MEIS2: variants seen among roughly 807,000 people sequenced by gnomAD.
MEIS2 encodes the protein homeobox protein Meis2.
Under a neutral mutation model 58.6 loss-of-function variants are expected in MEIS2, and 9 were observed. The ratio of observed to expected loss-of-function variants is 0.15; its 90% CI spans 0.09 to 0.27. The LOEUF is 0.27. MEIS2 is among the 10% of genes least tolerant of loss of function. The pLI is 1.00. For synonymous variants in MEIS2, 221 were observed against 228.4 expected (o/e 0.97, Z 0.29); for missense variants, 427 against 635.0 (o/e 0.67, Z 3.52).
chr15:36,973,296 C>T (rs2059628850), intron 8 of MEIS2, among the ~76,000 whole-genome samples: 1 of 152,176 alleles, frequency 6.6e-6, no homozygotes, highest in Admixed American at 6.5e-5. Context: ...CACAAAAGGG[C>T]TCTTCAAAGG....
intron 6 of MEIS2, among the ~76,000 whole-genome samples, chr15:37,085,685 T>A (rs1395040447): frequency 6.6e-6 from 1 of 152,066 alleles, no homozygotes; most frequent in African/African-American, 2.4e-5. Context: ...CAGGTATAGA[T>A]CTCTAAAATA....
intron 9 of MEIS2, among the ~76,000 whole-genome samples, chr15:36,907,930 A>G (rs1328324637): frequency 1.2e-3 from 2 of 1,604 alleles, no homozygotes; most frequent in East Asian, 0.25. Context: ...GCCAATGGGG[A>G]AAAAAAAATC....
At chr15:37,020,555 G>C (rs1034235335) in intron 8 of MEIS2, among the ~76,000 whole-genome samples, 4 of 152,070 alleles carry the variant, frequency 2.6e-5, no homozygotes, top group African/African-American at 9.7e-5. Context: ...GGAAACATTT[G>C]AGGGATCTTT....
intron 8 of MEIS2, among the ~76,000 whole-genome samples, chr15:37,022,316 C>G (rs1489163095): frequency 6.6e-6 from 1 of 152,146 alleles, no homozygotes. Flanking sequence ...ATAAAAATCT[C>G]TTGTTGTTGA....
intron 6 of MEIS2, among the ~76,000 whole-genome samples, chr15:37,090,063 T>C (rs1441247594): frequency 3.9e-5 from 6 of 152,164 alleles, no homozygotes; most frequent in Non-Finnish European, 7.4e-5. Flanking sequence ...GAAACTAACA[T>C]GAACTGCAGC....
Position 36,894,906 on chromosome 15 carries a change from T to A in MEIS2, c.1147+245A>T. On this transcript the variant is annotated intron_variant, in intron 11 of 11. Coordinates refer to ENST00000561208, the MANE Select transcript of MEIS2 (RefSeq NM_170675.5). ...GAAACTCAGATTCCTTTTCACTTATTGCCTTGGTTTAAAAAGAAAAAAGAA... is the reference window on the plus strand; with the variant it reads ...GAAACTCAGATTCCTTTTCACTTATAGCCTTGGTTTAAAAAGAAAAAAGAA... The A allele has an allele frequency of 2.7e-6, 3 of 1,127,190 alleles. No individual in the cohort carries two copies. In the South Asian group the frequency reaches 3.7e-5, roughly 14 times the overall value. 69.8% of individuals were successfully genotyped at this position (1,127,190 alleles called of 1,614,324 possible).
intron 7 of MEIS2, among the ~76,000 whole-genome samples, chr15:37,067,539 C>G (rs2141861212): frequency 6.6e-6 from 1 of 151,426 alleles, no homozygotes; most frequent in South Asian, 2.1e-4. Flanking sequence ...CATTCAGACT[C>G]TGGTCTGCTG....
intron 7 of MEIS2, among the ~76,000 whole-genome samples, chr15:37,057,424 C>T (rs749496593): frequency 5.3e-5 from 8 of 152,208 alleles, no homozygotes; most frequent in Non-Finnish European, 1.2e-4. Context: ...TACTTGCTGA[C>T]TTGCTTTTCA....
At chr15:37,057,366 A>C (rs1596032748) in intron 7 of MEIS2, among the ~76,000 whole-genome samples, 1 of 152,172 alleles carries the variant, frequency 6.6e-6, no homozygotes, top group Non-Finnish European at 1.5e-5. Flanking sequence ...CTCATAAATT[A>C]GTCAGGCCAT....
chr15:36,971,128 A>T (rs1595840279), intron 8 of MEIS2, among the ~76,000 whole-genome samples: 1 of 151,972 alleles, frequency 6.6e-6, no homozygotes, highest in Non-Finnish European at 1.5e-5. Flanking sequence ...TGTAAAGTCG[A>T]TTTACCTGCC....
chr15:37,075,251 A>G (rs1038915573), intron 7 of MEIS2, among the ~76,000 whole-genome samples: 31 of 152,054 alleles, frequency 2.0e-4, no homozygotes, highest in Non-Finnish European at 7.4e-5. Context: ...AATTCTGACC[A>G]TATGCACATA....
intron 7 of MEIS2, among the ~76,000 whole-genome samples, chr15:37,074,951 C>T (rs566380660): frequency 6.6e-6 from 1 of 152,056 alleles, no homozygotes; most frequent in Admixed American, 6.6e-5. Context: ...TATATTTGCC[C>T]AAATGCAAAC....
In MEIS2 at chr15:37,096,227, C is replaced by T. The variant is rs562063246; in HGVS notation, c.387+62G>A. The T allele has an allele frequency of 3.6e-5, 53 of 1,484,628 alleles. 1 individual carries two copies. The South Asian group carries it at 7.1e-4, about 20-fold the overall frequency. The allele number at this position is 1,484,628 out of a possible 1,614,324, so 92.0% of individuals were successfully genotyped here. On this transcript the variant is annotated intron_variant, in intron 3 of 11. Transcript: ENST00000561208. ...GCCTTTCCTCCTTTCAAGTAAAGCT[C>T]CGAGGAAAGGGGAGGGGTAGTGAGG... is the stretch of plus-strand genomic sequence containing the variant.
chr15:36,898,984 T>C lies in MEIS2; in HGVS notation c.978-2298A>G, dbSNP rs193121287. Among the ~76,000 whole-genome samples the C allele has an allele frequency of 3.3e-3, 499 of 152,350 alleles. 5 individuals are homozygous for C. The highest frequency in any genetic ancestry group is 0.03 in the Admixed American group (461 of 15,306). On this transcript the variant is annotated intron_variant, in intron 9 of 11. Transcript: ENST00000561208. ...CTAGCAGTTATGGCAATGGCCTTTCTTTACCCACTTCTCCTAAGCAAATAT... is the reference window on the plus strand; with the variant it reads ...CTAGCAGTTATGGCAATGGCCTTTCCTTACCCACTTCTCCTAAGCAAATAT...
chr15:36,971,447 A>G (rs1418853404), intron 8 of MEIS2, among the ~76,000 whole-genome samples: 13 of 149,702 alleles, frequency 8.7e-5, no homozygotes, highest in Admixed American at 6.7e-5. Flanking sequence ...TGAAAGCTGG[A>G]AGCTAAATTT....
chr15:36,982,798 C>T (rs914638177), intron 8 of MEIS2, among the ~76,000 whole-genome samples: 1 of 152,176 alleles, frequency 6.6e-6, no homozygotes, highest in Admixed American at 6.5e-5. Flanking sequence ...CTTTTCTCCA[C>T]ATCTTTGTCA....
In MEIS2 at chr15:36,989,701, C is replaced by T. The variant is rs552425589; in HGVS notation, c.901-39301G>A. ...CAGTGATACTGCACTTCTATTACTA[C>T]GGGCTAACTCATGTTTACAGAACTA... On this transcript the variant is annotated intron_variant, in intron 8 of 11. Transcript: ENST00000561208. 1.2e-4 allele frequency among the ~76,000 whole-genome samples: 18 copies of T among 152,336 alleles called. No individual in the cohort carries two copies. The South Asian group carries it at 2.3e-3, about 19-fold the overall frequency.
chr15:36,989,688 A>C (rs751955763), intron 8 of MEIS2, among the ~76,000 whole-genome samples: 1 of 152,228 alleles, frequency 6.6e-6, no homozygotes, highest in Non-Finnish European at 1.5e-5. Context: ...GTGATACTGC[A>C]CTTCTATTAC....
At chr15:37,076,250 GGAAA>G (rs1314928757) in intron 7 of MEIS2, among the ~76,000 whole-genome samples, 3 of 151,908 alleles carry the variant, frequency 2.0e-5, no homozygotes, top group Admixed American at 1.3e-4. Flanking sequence ...GGTAGAAATC[GGAAA>G]GAAAGAAGGG....
Sources: allele counts gnomAD v4.1 joint callset (sites outside exome capture counted in the v4.1 genomes callset), GRCh38; gene constraint gnomAD v4.1.1; transcripts MANE v1.5; gene names NCBI Gene and HGNC (gene_info 2026-07-23, HGNC 2026-07-21).